MYH10: variants seen among roughly 807,000 people sequenced by gnomAD.
MYH10 encodes myosin-10.
MYH10 carries 55 observed loss-of-function variants against 257.8 expected under a neutral mutation model. The observed-to-expected ratio is 0.21, with a 90% CI of 0.17 to 0.27. MYH10 has a LOEUF of 0.27. Among genes scored for constraint, MYH10 ranks in the 10% least tolerant of loss-of-function variants. MYH10 has a pLI of 1.00. For synonymous variants in MYH10, 854 were observed against 921.7 expected (o/e 0.93, Z 1.33); for missense variants, 1,631 against 2,500.6 (o/e 0.65, Z 7.42).
intron 6 of MYH10, among the ~76,000 whole-genome samples, chr17:8,573,515 C>T (rs752840340): frequency 3.3e-5 from 5 of 152,148 alleles, no homozygotes; most frequent in Non-Finnish European, 5.9e-5. Context: ...TTGTAGGGGA[C>T]GGTCAAGTTT....
At chr17:8,550,326 G>T (rs1373703674) in intron 9 of MYH10, among the ~76,000 whole-genome samples, 1 of 151,258 alleles carries the variant, frequency 6.6e-6, no homozygotes, top group South Asian at 2.1e-4. Flanking sequence ...TGTGGGGAGC[G>T]CCTCTGCCCC....
At chr17:8,608,882 C>G (rs1454335163) in intron 2 of MYH10, among the ~76,000 whole-genome samples, 1 of 151,384 alleles carries the variant, frequency 6.6e-6, no homozygotes, top group Non-Finnish European at 1.5e-5. Context: ...ACGATCTCGG[C>G]TCACTGCAAG....
intron 17 of MYH10, among the ~76,000 whole-genome samples, chr17:8,523,849 T>A (rs1407331064): frequency 2.6e-5 from 4 of 152,096 alleles, no homozygotes; most frequent in African/African-American, 9.7e-5. Flanking sequence ...ATTTCAAGAA[T>A]AACTGCCAGG....
At chr17:8,622,478 G>A (rs1330508057) in intron 2 of MYH10, among the ~76,000 whole-genome samples, 2 of 152,150 alleles carry the variant, frequency 1.3e-5, no homozygotes. Flanking sequence ...AGCTGTTCAT[G>A]CTGTCCACAG....
intron 3 of MYH10, among the ~76,000 whole-genome samples, chr17:8,591,093 C>T (rs1258678316): frequency 2.6e-5 from 4 of 151,942 alleles, no homozygotes; most frequent in Non-Finnish European, 5.9e-5. Flanking sequence ...AGGATGGTCT[C>T]GATCTCCCGA....
intron 7 of MYH10, chr17:8,560,439 G>A (rs770681073): frequency 7.8e-6 from 3 of 382,930 alleles, no homozygotes; most frequent in Non-Finnish European, 1.5e-5. Context: ...TGTAGTCATC[G>A]CTGCCACCTG....
At chr17:8,493,691 C>T in intron 32 of MYH10, 42 bp downstream of exon 32, 1 of 1,573,450 alleles carries the variant, frequency 6.4e-7, no homozygotes, top group Non-Finnish European at 8.6e-7. Context: ...CTGCTGAAGG[C>T]ACACATCGAG....
chr17:8,560,826 T>C (rs1262386250), intron 7 of MYH10: 3 of 580,000 alleles, frequency 5.2e-6, no homozygotes, highest in African/African-American at 3.7e-5. Context: ...TGGCCAAGAC[T>C]GAGTGGCTGG....
chr17:8,539,975 C>A (rs1450851864), intron 14 of MYH10, among the ~76,000 whole-genome samples: 1 of 152,066 alleles, frequency 6.6e-6, no homozygotes, highest in Non-Finnish European at 1.5e-5. Context: ...AACATCAAAC[C>A]CTTTCTACTT....
intron 1 of MYH10, chr17:8,623,509 A>AAAAAG (rs375815298): frequency 4.0e-4 from 102 of 253,962 alleles, no homozygotes; most frequent in African/African-American, 1.4e-3. Flanking sequence ...TGAGGGCAAA[A>AAAAAG]AAAAGAAAAG....
At chr17:8,489,487 T>C (rs1306294207) in intron 35 of MYH10, among the ~76,000 whole-genome samples, 1 of 152,204 alleles carries the variant, frequency 6.6e-6, no homozygotes, top group Non-Finnish European at 1.5e-5. Flanking sequence ...GCAGATCACC[T>C]GAGTCCAGGA....
chr17:8,604,815 T>C lies in MYH10; in HGVS notation c.502+11A>G. ...ATTCTGAGCATTTAGTATTCAAATA[T>C]TTCCAATTACCTTGAAGCATGCATC... On this transcript the variant is annotated intron_variant, in intron 3 of 42. Coordinates refer to ENST00000360416, the MANE Select transcript of MYH10 (RefSeq NM_001256012.3). The C allele has an allele frequency of 6.8e-7, 1 of 1,459,944 alleles. No homozygotes were observed. The highest frequency in any genetic ancestry group is 9.1e-7 in the Non-Finnish European group (1 of 1,098,868). 90.4% of individuals were successfully genotyped at this position (1,459,944 alleles called of 1,614,324 possible).
rs768063434 is a variant in MYH10, at chr17:8,500,885, T to G, written c.3685A>C (p.Arg1229=). 18 of 1,614,146 alleles carry G rather than the reference T, an allele frequency of 1.1e-5. No individual in the cohort carries two copies. In the South Asian group the frequency reaches 1.9e-4, roughly 17 times the overall value. ...TCCAGGGCTGTTGCGTGTCTTTGTCTCATGTCCTGGATTTGAGCTTCATGG... is the reference window on the plus strand; with the variant it reads ...TCCAGGGCTGTTGCGTGTCTTTGTCGCATGTCCTGGATTTGAGCTTCATGG... The part of the protein sequence containing the change: ...KNHEAQIQDM[R]QRHATALEEL... Residue 1229 remains arginine, a synonymous_variant, in exon 29 of 43, where the codon AGA becomes CGA. Coordinates refer to ENST00000360416, the MANE Select transcript of MYH10 (RefSeq NM_001256012.3).
intron 14 of MYH10, among the ~76,000 whole-genome samples, chr17:8,538,474 T>C (rs1166461540): frequency 6.6e-6 from 1 of 152,232 alleles, no homozygotes; most frequent in East Asian, 1.9e-4. Context: ...CCTCCCAAAG[T>C]GTTGGGATTA....
intron 4 of MYH10, among the ~76,000 whole-genome samples, chr17:8,585,280 G>A (rs1487386332): frequency 2.4e-4 from 2 of 8,200 alleles, no homozygotes; most frequent in Non-Finnish European, 6.7e-4. Context: ...ATGTGCATGT[G>A]TGTGTGTGTA....
At chr17:8,576,293 T>C (rs148205243) in intron 6 of MYH10, among the ~76,000 whole-genome samples, 47 of 152,240 alleles carry the variant, frequency 3.1e-4, no homozygotes, top group African/African-American at 1.1e-3. Flanking sequence ...ATTCAAAATG[T>C]AGTGTAGGGC....
rs1054116443 is a variant in MYH10 at position 8,486,816 on chromosome 17, T to G, written c.5046+617A>C. ...GCAGTCCATTGACATTTAGGGGGTT[T>G]CCATTTTTGCTATCATAAATAACAA... On this transcript the variant is annotated intron_variant, in intron 36 of 42. Transcript: ENST00000360416. 2.0e-5 allele frequency among the ~76,000 whole-genome samples: 3 copies of G among 152,322 alleles called. No individual in the cohort carries two copies. In the South Asian group the frequency reaches 6.2e-4, roughly 32 times the overall value.
intron 5 of MYH10, among the ~76,000 whole-genome samples, 177 bp from the exon 6 acceptor site, chr17:8,576,849 C>T (rs1260069212): frequency 6.6e-6 from 1 of 152,196 alleles, no homozygotes; most frequent in Non-Finnish European, 1.5e-5. Flanking sequence ...TTAAGGAGAA[C>T]TGACATTTCT....
chr17:8,603,955 C>T (rs957567512), intron 3 of MYH10, among the ~76,000 whole-genome samples: 11 of 152,052 alleles, frequency 7.2e-5, no homozygotes, highest in South Asian at 6.2e-4. Context: ...AGAAGTAGGA[C>T]GTGGGTATTG....
Sources: allele counts gnomAD v4.1 joint callset (sites outside exome capture counted in the v4.1 genomes callset), GRCh38; gene constraint gnomAD v4.1.1; transcripts MANE v1.5; gene names NCBI Gene and HGNC (gene_info 2026-07-23, HGNC 2026-07-21).